Variants in PHACTR3 observed in about 807,000 individuals in gnomAD.
PHACTR3 encodes the protein protein phosphatase 1, regulatory subunit 123.
Under a neutral mutation model 66.8 loss-of-function variants are expected in PHACTR3, and 16 were observed. The observed-to-expected ratio is 0.24, with a 90% CI of 0.16 to 0.36. The LOEUF (loss-of-function observed/expected upper bound fraction) is 0.36, where lower values mean the gene tolerates loss of function less well. Among genes scored for constraint, PHACTR3 ranks in the 10% least tolerant of loss-of-function variants. The pLI is 1.00. For missense variants in PHACTR3, 647 were observed against 719.9 expected (o/e 0.90, Z 1.16); for synonymous variants, 323 against 292.1 (o/e 1.11, Z -1.08).
chr20:59,798,123 A>G (rs771969600), intron 7 of PHACTR3, among the ~76,000 whole-genome samples: 179 of 152,302 alleles, frequency 1.2e-3, no homozygotes, highest in Middle Eastern at 6.8e-3. Flanking sequence ...GGCAAGTTCA[A>G]TGTCTGGTGA....
chr20:59,838,841 A>G (rs1488256195), intron 9 of PHACTR3, among the ~76,000 whole-genome samples: 1 of 152,140 alleles, frequency 6.6e-6, no homozygotes, highest in Non-Finnish European at 1.5e-5. Context: ...GTCTGGAAAT[A>G]AGAAATCCAT....
intron 11 of PHACTR3, 64 bp from the exon 12 acceptor site, chr20:59,845,125 C>T: frequency 2.0e-6 from 2 of 1,013,612 alleles, no homozygotes; most frequent in Non-Finnish European, 3.0e-6. Context: ...AATTTATAAA[C>T]ACGATGCTAA....
At chr20:59,739,015 T>C (rs2039053965) in intron 1 of PHACTR3, among the ~76,000 whole-genome samples, 1 of 152,034 alleles carries the variant, frequency 6.6e-6, no homozygotes, top group African/African-American at 2.4e-5. Flanking sequence ...GATGAGAACA[T>C]GGAATGCATT....
At chr20:59,664,037 C>T (rs1240781898) in intron 1 of PHACTR3, among the ~76,000 whole-genome samples, 2 of 152,186 alleles carry the variant, frequency 1.3e-5, no homozygotes, top group East Asian at 3.9e-4. Context: ...TTGTGATTCT[C>T]CCTTTTTCCT....
At chr20:59,766,162 AG>A (rs375451121) in intron 4 of PHACTR3, among the ~76,000 whole-genome samples, 12 of 152,156 alleles carry the variant, frequency 7.9e-5, no homozygotes, top group African/African-American at 2.9e-4. Flanking sequence ...GTGTGGTGGG[AG>A]CAGGCAAAGG....
intron 1 of PHACTR3, among the ~76,000 whole-genome samples, chr20:59,583,859 C>T (rs1162710812): frequency 1.3e-5 from 2 of 152,102 alleles, no homozygotes; most frequent in African/African-American, 2.4e-5. Flanking sequence ...GGAGCAATGT[C>T]GATTTTGCGT....
At chr20:59,635,081 T>C (rs899019379) in intron 1 of PHACTR3, among the ~76,000 whole-genome samples, 2 of 149,728 alleles carry the variant, frequency 1.3e-5, no homozygotes, top group Non-Finnish European at 1.5e-5. Flanking sequence ...TTCTGTTCTT[T>C]TTTCTTTCTT....
chr20:59,662,370 A>C (rs1428284690), intron 1 of PHACTR3, among the ~76,000 whole-genome samples: 4 of 152,242 alleles, frequency 2.6e-5, no homozygotes, highest in Middle Eastern at 6.8e-3. Context: ...TGAGACCTGC[A>C]GTGGGGGAGC....
chr20:59,693,343 G>A (rs566051674), intron 1 of PHACTR3, among the ~76,000 whole-genome samples: 2 of 152,206 alleles, frequency 1.3e-5, no homozygotes, highest in East Asian at 3.9e-4. Flanking sequence ...GTTGAGCTTG[G>A]GGTCGGTTTG....
At chr20:59,662,641 G>A (rs191837521) in intron 1 of PHACTR3, among the ~76,000 whole-genome samples, 4 of 152,260 alleles carry the variant, frequency 2.6e-5, no homozygotes, top group African/African-American at 9.6e-5. Context: ...TGTTAAGTAG[G>A]GAGTGACATG....
chr20:59,638,376 GTGGA>G (rs934562368), intron 1 of PHACTR3, among the ~76,000 whole-genome samples: 4 of 143,856 alleles, frequency 2.8e-5, no homozygotes, highest in South Asian at 2.2e-4. Flanking sequence ...TGGGTTGGTG[GTGGA>G]TGGATGGATG....
At chr20:59,750,617 C>A (rs138241274) in intron 3 of PHACTR3, among the ~76,000 whole-genome samples, 1 of 152,126 alleles carries the variant, frequency 6.6e-6, no homozygotes, top group Non-Finnish European at 1.5e-5. Flanking sequence ...GCCCACACAC[C>A]GGCTGGGGTG....
At chr20:59,635,640 A>G (rs1376328601) in intron 1 of PHACTR3, among the ~76,000 whole-genome samples, 1 of 152,250 alleles carries the variant, frequency 6.6e-6, no homozygotes, top group Non-Finnish European at 1.5e-5. Flanking sequence ...ACAAGCATGA[A>G]GAAGGAAGTT....
rs11471795 is a variant in PHACTR3, at chr20:59,635,169, C to CCTTTCTTT, written c.118+30056_118+30063dup. 3.7e-3 allele frequency among the ~76,000 whole-genome samples: 207 copies of CCTTTCTTT among 55,368 alleles called. 16 individuals carry two copies. Among genetic ancestry groups the CCTTTCTTT allele is most frequent in the South Asian group, 0.012 (16 of 1,286 alleles). 36.3% of individuals were successfully genotyped at this position (55,368 alleles called of 152,430 possible). On this transcript the variant is annotated intron_variant, in intron 1 of 12. Coordinates refer to ENST00000371015, the MANE Select transcript of PHACTR3 (RefSeq NM_080672.5). Reference sequence around the variant, plus strand: ...TTTCTTTTTCTTTCTTTCTTTCTTTCCTTTCTTTCTTTCTTTCTTTCTTTC... The same window carrying CCTTTCTTT: ...TTTCTTTTTCTTTCTTTCTTTCTTTCCTTTCTTTCTTTCTTTCTTTCTTTCTTTCTTTC...
In PHACTR3 at chr20:59,747,820, G is replaced by A. The variant is rs2039429106; in HGVS notation, c.343G>A (p.Glu115Lys). The change falls in exon 3 of 13, where the codon GAG becomes AAG. Residue 115 changes from glutamate (E) to lysine (K), a missense_variant. By Grantham distance (56) the Glu-to-Lys change is moderately conservative (BLOSUM62 1). Transcript: ENST00000371015. ...REELIKKGLL[E>K]MMEQDAESKT... ...GGAGCTCATCAAGAAGGGGCTGCTG[G>A]AGATGATGGAGCAGGGTAAGTGGGA... 1 of 1,614,118 alleles carries A rather than the reference G, an allele frequency of 6.2e-7. No homozygotes were observed. Among genetic ancestry groups the A allele is most frequent in the South Asian group, 1.1e-5 (1 of 91,076 alleles).
At chr20:59,693,204 G>A (rs571463429) in intron 1 of PHACTR3, among the ~76,000 whole-genome samples, 1 of 152,190 alleles carries the variant, frequency 6.6e-6, no homozygotes, top group East Asian at 1.9e-4. Flanking sequence ...AATAAGCATC[G>A]GCGTCTGGCA....
At chr20:59,756,291 C>T (rs372911330) in intron 4 of PHACTR3, among the ~76,000 whole-genome samples, 16 of 152,166 alleles carry the variant, frequency 1.1e-4, no homozygotes, top group East Asian at 9.6e-4. Flanking sequence ...GAGTCTCACA[C>T]GGTTTGGGGG....
intron 1 of PHACTR3, among the ~76,000 whole-genome samples, chr20:59,581,888 A>T (rs977395339): frequency 6.6e-6 from 1 of 152,186 alleles, no homozygotes; most frequent in African/African-American, 2.4e-5. Context: ...CTCAAAAAAA[A>T]AAAAAAAAGT....
At chr20:59,811,723 G>A (rs934406735) in intron 8 of PHACTR3, among the ~76,000 whole-genome samples, 1 of 152,070 alleles carries the variant, frequency 6.6e-6, no homozygotes, top group African/African-American at 2.4e-5. Flanking sequence ...GACATCCTCA[G>A]GGGGAACATA....
Sources: gnomAD v4.1 joint callset for allele counts (sites outside exome capture counted in the v4.1 genomes callset) on GRCh38, gnomAD v4.1.1 for gene constraint, MANE v1.5 for transcripts, NCBI Gene and HGNC (gene_info 2026-07-23, HGNC 2026-07-21) for gene names.